The following NPC1 variants were observed in gnomAD, a reference collection of about 807,000 sequenced individuals.
NPC1 encodes Niemann-Pick C1 protein.
A neutral mutation model predicts 140.4 loss-of-function variants in NPC1; 85 were observed. The ratio of observed to expected loss-of-function variants is 0.61; its 90% confidence interval spans 0.51 to 0.72. NPC1 has a LOEUF of 0.72. Ranked by LOEUF, NPC1 falls within the 30% of genes least tolerant of loss-of-function variation. The pLI, the probability that NPC1 is intolerant of heterozygous loss-of-function variation, is 0.00. For synonymous variants in NPC1, 656 were observed against 624.8 expected, an observed-to-expected ratio of 1.05 and a Z score of -0.74; for missense variants, 1,504 against 1,623.8, an observed-to-expected ratio of 0.93 and a Z score of 1.27.
At chr18:23,549,263 C>G (rs2058833190) in intron 10 of NPC1, among the ~76,000 whole-genome samples, 1 of 151,934 alleles carries the variant, frequency 6.6e-6, no homozygotes, top group Non-Finnish European at 1.5e-5. Context: ...GTGGCACAAT[C>G]ATGGTTTACT....
At chr18:23,552,895 G>A (rs2058894016) in intron 9 of NPC1, among the ~76,000 whole-genome samples, 1 of 152,198 alleles carries the variant, frequency 6.6e-6, no homozygotes, top group Non-Finnish European at 1.5e-5. Flanking sequence ...CAGGGATAAA[G>A]CCTCAAGCCT....
intron 3 of NPC1, chr18:23,515,767 A>G: frequency 6.7e-7 from 1 of 1,502,456 alleles, no homozygotes; most frequent in Non-Finnish European, 9.2e-7. Context: ...TCCTGACCTC[A>G]GGTGATCCGC....
At chr18:23,536,905 A>T (rs2058639219) in intron 20 of NPC1, 29 bp from the exon 21 acceptor site, 1 of 1,582,138 alleles carries the variant, frequency 6.3e-7, no homozygotes, top group Middle Eastern at 1.9e-4. Context: ...GTGTCAAGAG[A>T]GTCCAGGTCT....
chr18:23,556,383 C>A lies in NPC1; in HGVS notation c.1186G>T (p.Asp396Tyr). 1.2e-6 allele frequency: 2 copies of A among 1,614,078 alleles called. No homozygotes were observed. The highest frequency in any genetic ancestry group is 2.2e-5 in the South Asian group (2 of 91,044). ...CGGAAGAAAGGCCCAAAGTGCTGGT[C>A]AAAGTACTCTTTTTCCAGGCGAGCC... ...SQARLEKEYFDQHFGPFFRTE... is the reference protein window; with the variant it reads ...SQARLEKEYFYQHFGPFFRTE... The change falls in exon 8 of 25, where the codon GAC becomes TAC. Residue 396 changes from aspartate (D) to tyrosine (Y), a missense_variant. By Grantham distance (160) the Asp-to-Tyr change is radical. Transcript: ENST00000269228.
chr18:23,523,996 T>A, intron 1 of NPC1: 1 of 994,232 alleles, frequency 1.0e-6, no homozygotes, highest in Non-Finnish European at 1.5e-6. Flanking sequence ...ACGGAACAGT[T>A]CATTTCTTCC....
chr18:23,555,444 T>TA (rs1198522986), intron 8 of NPC1, among the ~76,000 whole-genome samples: 2 of 152,270 alleles, frequency 1.3e-5, no homozygotes, highest in African/African-American at 4.8e-5. Flanking sequence ...GGTAAATGAC[T>TA]ATGCTGTTCA....
At chr18:23,531,423 A>G, downstream of NPC1, 1 of 1,108,800 alleles carries the variant, frequency 9.0e-7, no homozygotes, top group Non-Finnish European at 1.2e-6. Context: ...TAGTTACCAT[A>G]AGGACAGGTT....
chr18:23,515,023 G>A (rs2057962618), intron 3 of NPC1, among the ~76,000 whole-genome samples: 1 of 152,056 alleles, frequency 6.6e-6, no homozygotes, highest in Non-Finnish European at 1.5e-5. Flanking sequence ...TAGAAGAAGG[G>A]AGCTCCTCCC....
chr18:23,518,329 A>G (rs995836995), downstream of NPC1, among the ~76,000 whole-genome samples: 3 of 152,116 alleles, frequency 2.0e-5, no homozygotes. Flanking sequence ...TGTTTCTACA[A>G]AAAAATTTAA....
chr18:23,527,780 A>G (rs2058349739), downstream of NPC1: 14 of 1,608,128 alleles, frequency 8.7e-6, no homozygotes, highest in African/African-American at 1.3e-5. Flanking sequence ...GTGTGTGAAC[A>G]TTGTGCCTTT....
chr18:23,544,943 A>ACCCACCCCCCC lies in NPC1; in HGVS notation c.1947+16_1947+17insGGGGGGGTGGG. On this transcript the variant is annotated intron_variant, in intron 12 of 24. Coordinates refer to ENST00000269228, the MANE Select transcript of NPC1 (RefSeq NM_000271.5). ...GCTGTTAACCTCTAGAACATACACC[A>ACCCACCCCCCC]CCCCCCCCCGGCTTACCAGAAGCCT... 1 of 1,032,988 alleles carries ACCCACCCCCCC rather than the reference A, an allele frequency of 9.7e-7. No individual in the cohort carries two copies. Among genetic ancestry groups the ACCCACCCCCCC allele is most frequent in the Non-Finnish European group, 1.4e-6 (1 of 712,988 alleles). 64.0% of individuals were successfully genotyped at this position (1,032,988 alleles called of 1,614,324 possible). A position where few individuals can be genotyped will look rare whatever the true frequency, so the allele number is the denominator to read the frequency against.
intron 10 of NPC1, among the ~76,000 whole-genome samples, chr18:23,550,479 C>CTTTTTTGTTTTTT (rs2058854020): frequency 1.3e-5 from 1 of 74,922 alleles, no homozygotes; most frequent in Admixed American, 2.1e-4. Flanking sequence ...TCTTACATTT[C>CTTTTTTGTTTTTT]TTTTTTTTTT....
At chr18:23,509,007 A>G (rs945707460) in intron 3 of NPC1, among the ~76,000 whole-genome samples, 2 of 152,174 alleles carry the variant, frequency 1.3e-5, no homozygotes, top group South Asian at 4.1e-4. Context: ...CAGGTTCTTG[A>G]ATGAAGAGTT....
At chr18:23,558,261 G>A (rs1227701579) in intron 6 of NPC1, among the ~76,000 whole-genome samples, 1 of 152,058 alleles carries the variant, frequency 6.6e-6, no homozygotes, top group African/African-American at 2.4e-5. Flanking sequence ...TATCAATTAC[G>A]AAGGGAAAAG....
In NPC1 at chr18:23,548,042, G is replaced by T; in HGVS notation, c.1721C>A (p.Thr574Lys). ...GGCCTGGGCCCTCTGGAGCTTCTCT[G>T]TATCATTATAGTAATTATTGACAGG... ...TFPVNNYYND[T>K]EKLQRAQAWE... Residue 574 changes from threonine to lysine, a missense_variant, in exon 11 of 25, where the codon ACA becomes AAA. Thr to Lys is a moderately conservative substitution (Grantham distance 78). Coordinates refer to ENST00000269228, the MANE Select transcript of NPC1 (RefSeq NM_000271.5). 1.2e-6 allele frequency: 2 copies of T among 1,611,558 alleles called. No homozygotes were observed. Among genetic ancestry groups the T allele is most frequent in the South Asian group, 1.1e-5 (1 of 90,992 alleles).
intron 1 of NPC1, among the ~76,000 whole-genome samples, chr18:23,577,795 C>T (rs1005756173): frequency 5.3e-5 from 8 of 152,258 alleles, no homozygotes; most frequent in Non-Finnish European, 7.3e-5. Context: ...AGCCAAGGCC[C>T]AGCGAGAAAT....
intron 14 of NPC1, among the ~76,000 whole-genome samples, chr18:23,542,180 G>A (rs894901965): frequency 7.9e-5 from 12 of 151,708 alleles, no homozygotes; most frequent in African/African-American, 2.7e-4. Flanking sequence ...CAACCTTGAG[G>A]CACAGTCTCT....
At chr18:23,515,498 A>G (rs1471148809) in intron 3 of NPC1, among the ~76,000 whole-genome samples, 1 of 152,128 alleles carries the variant, frequency 6.6e-6, no homozygotes. Flanking sequence ...CTCAGAGCGC[A>G]CTGTAAGGAT....
At position 23,556,335 on chromosome 18, in the gene NPC1, C is replaced by T; in HGVS notation, c.1234G>A (p.Ala412Thr). The change falls in exon 8 of 25, where the codon GCC becomes ACC. Residue 412 changes from alanine to threonine, a missense_variant. Ala to Thr is a moderately conservative substitution (Grantham distance 58). Coordinates refer to ENST00000269228, the MANE Select transcript of NPC1 (RefSeq NM_000271.5). ...FFRTEQLIIRAPLTDKHIYQP... is the reference protein window; with the variant it reads ...FFRTEQLIIRTPLTDKHIYQP... Reference sequence around the variant, plus strand: ...TAAATGTGTTTGTCAGTGAGAGGGGCCCGGATGATGAGCTGCTCCGTCCGG... The same window carrying T: ...TAAATGTGTTTGTCAGTGAGAGGGGTCCGGATGATGAGCTGCTCCGTCCGG... The T allele has an allele frequency of 6.2e-7, 1 of 1,614,032 alleles. No individual in the cohort carries two copies. The highest frequency in any genetic ancestry group is 8.5e-7 in the Non-Finnish European group (1 of 1,179,966).
Sources: allele counts gnomAD v4.1 joint callset (sites outside exome capture counted in the v4.1 genomes callset), GRCh38; gene constraint gnomAD v4.1.1; transcripts MANE v1.5; gene names NCBI Gene and HGNC (gene_info 2026-07-23, HGNC 2026-07-21).